ZFYVE16: variants seen among roughly 807,000 people sequenced by gnomAD.
The protein encoded by ZFYVE16 is zinc finger FYVE-type containing 16, also known as zinc finger FYVE domain-containing protein 16.
A neutral mutation model predicts 138.1 loss-of-function variants in ZFYVE16; 89 were observed. That is an observed-to-expected ratio of 0.64 (90% CI 0.54 to 0.77). The LOEUF is 0.77. Among genes scored for constraint, ZFYVE16 ranks in the 30% least tolerant of loss-of-function variants. ZFYVE16 has a pLI of 0.00. For missense variants in ZFYVE16, 1,793 were observed against 1,786.7 expected, an observed-to-expected ratio of 1.00 and a Z score of -0.06; for synonymous variants, 596 against 618.3, an observed-to-expected ratio of 0.96 and a Z score of 0.53.
In ZFYVE16 at chr5:80,438,961, A is replaced by C; in HGVS notation, c.2276A>C (p.Lys759Thr). Residue 759 changes from lysine to threonine, a missense_variant, in exon 4 of 19, where the codon AAA becomes ACA. Lys to Thr is a moderately conservative substitution (Grantham distance 78). This residue lies in a region of ZFYVE16 where 1,295 missense variants were observed against 1,204.3 expected (regional missense o/e 1.08). Transcript: ENST00000505560. ...CCAAACTGTATGAACTGCCAAGTCAAATTTACTTTTACCAAACGGCGACAC... is the reference window on the plus strand; with the variant it reads ...CCAAACTGTATGAACTGCCAAGTCACATTTACTTTTACCAAACGGCGACAC... ...EAPNCMNCQV[K>T]FTFTKRRHHC... The C allele has an allele frequency of 6.2e-7, 1 of 1,613,438 alleles. No individual in the cohort carries two copies. Among genetic ancestry groups the C allele is most frequent in the Non-Finnish European group, 8.5e-7 (1 of 1,179,612 alleles).
intron 7 of ZFYVE16, among the ~76,000 whole-genome samples, chr5:80,447,045 TGA>T (rs1358001199): frequency 6.6e-6 from 1 of 152,084 alleles, no homozygotes; most frequent in Non-Finnish European, 1.5e-5. Context: ...GCGGATCATC[TGA>T]GGTCAGGAGT....
intron 16 of ZFYVE16, 63 bp from the exon 17 acceptor site, chr5:80,473,691 A>G: frequency 8.3e-7 from 1 of 1,204,530 alleles, no homozygotes; most frequent in Middle Eastern, 2.4e-4. Context: ...GTTCAAATCT[A>G]ATAATTCATT....
intron 7 of ZFYVE16, among the ~76,000 whole-genome samples, chr5:80,446,460 T>G (rs749571087): frequency 6.6e-6 from 1 of 152,188 alleles, no homozygotes; most frequent in Non-Finnish European, 1.5e-5. Context: ...AATAATGGCA[T>G]TATTTTACAT....
rs139875465 is a variant in ZFYVE16 at position 80,436,949 on chromosome 5, T to G, written c.264T>G (p.Leu88=). The G allele has an allele frequency of 2.5e-6, 4 of 1,614,008 alleles. No homozygotes were observed. Among genetic ancestry groups the G allele is most frequent in the Non-Finnish European group, 8.5e-7 (1 of 1,180,022 alleles). Residue 88 remains leucine (L), a synonymous_variant, in exon 4 of 19, where the codon CTT becomes CTG. Transcript: ENST00000505560. The part of the protein sequence containing the change: ...SSLNEKTLKG[L]TSIQNEKNVT... ...TGAATGAAAAAACACTCAAGGGACT[T>G]ACTTCTATACAAAATGAAAAAAATG...
intron 11 of ZFYVE16, chr5:80,454,626 C>T (rs981541408): frequency 1.3e-5 from 2 of 152,236 alleles, no homozygotes; most frequent in Non-Finnish European, 1.5e-5. Context: ...CCTGCCTCAG[C>T]CTCCCAAGTA....
intron 1 of ZFYVE16, among the ~76,000 whole-genome samples, chr5:80,413,247 G>C (rs1352555854): frequency 1.3e-5 from 2 of 152,122 alleles, no homozygotes; most frequent in Non-Finnish European, 2.9e-5. Context: ...TGAGGCAGGA[G>C]GATCACCTGA....
chr5:80,432,106 A>T (rs1316724960), intron 2 of ZFYVE16, among the ~76,000 whole-genome samples: 1 of 152,176 alleles, frequency 6.6e-6, no homozygotes, highest in Middle Eastern at 3.2e-3. Flanking sequence ...TATGGAACCA[A>T]AAAAGGGCCC....
chr5:80,427,845 G>A (rs1435768122), intron 2 of ZFYVE16, among the ~76,000 whole-genome samples: 2 of 150,984 alleles, frequency 1.3e-5, no homozygotes, highest in African/African-American at 2.4e-5. Context: ...GGTGGCGCAC[G>A]CCTGTAGTCC....
In ZFYVE16 at chr5:80,439,994, C is replaced by T. The variant is rs746013674; in HGVS notation, c.2381C>T (p.Ala794Val). The T allele has an allele frequency of 1.6e-5, 26 of 1,611,164 alleles. No homozygotes were observed. The South Asian group carries it at 2.6e-4, about 16-fold the overall frequency. ...AAACTGCAATATCTAGAAAAGGAAG[C>T]AAGAGTATGTGTAGTCTGCTATGAA... is the stretch of plus-strand genomic sequence containing the variant. The part of the protein sequence containing the change: ...KCKLQYLEKE[A>V]RVCVVCYETI... The change falls in exon 5 of 19, where the codon GCA (alanine) becomes GTA (valine). Residue 794 changes from alanine (A) to valine (V), a missense_variant. Transcript: ENST00000505560.
Position 80,436,856 on chromosome 5 carries a change from A to C in ZFYVE16, c.171A>C (p.Pro57=), listed in dbSNP as rs761098685. 1.2e-6 allele frequency: 2 copies of C among 1,614,174 alleles called. No homozygotes were observed. Among genetic ancestry groups the C allele is most frequent in the Admixed American group, 3.3e-5 (2 of 60,022 alleles). ...CCTCACAGCGAACTTCATTGCTCCCAAAAGACCAAGAGTGCGTTAATAGTT... is the reference window on the plus strand; with the variant it reads ...CCTCACAGCGAACTTCATTGCTCCCCAAAGACCAAGAGTGCGTTAATAGTT... ...LASSQRTSLL[P]KDQECVNSCA... The change falls in exon 4 of 19, where the codon CCA becomes CCC. Residue 57 remains proline (P), a synonymous_variant. Transcript: ENST00000505560.
Position 80,437,889 on chromosome 5 carries a change from G to A in ZFYVE16, c.1204G>A (p.Glu402Lys). The A allele has an allele frequency of 1.2e-6, 2 of 1,613,984 alleles. No homozygotes were observed. The highest frequency in any genetic ancestry group is 1.7e-6 in the Non-Finnish European group (2 of 1,179,958). ...ACGGGGTGATTTTTTACCTCAGCAT[G>A]AACATAAAGATAATATACAAGATGC... ...KARGDFLPQH[E>K]HKDNIQDAVT... Residue 402 changes from glutamate to lysine, a missense_variant, in exon 4 of 19, where the codon GAA (glutamate) becomes AAA (lysine). Glu to Lys is a moderately conservative substitution (Grantham distance 56, BLOSUM62 1). Transcript: ENST00000505560.
intron 12 of ZFYVE16, chr5:80,456,009 C>G (rs1752492441): frequency 2.3e-6 from 1 of 435,708 alleles, no homozygotes; most frequent in South Asian, 2.8e-5. Context: ...CCTTTTGATT[C>G]ATTCTCCTGC....
chr5:80,443,047 A>G (rs1237846316), intron 5 of ZFYVE16, 76 bp from the exon 6 acceptor site: 4 of 1,334,556 alleles, frequency 3.0e-6, no homozygotes, highest in Non-Finnish European at 3.0e-6. Context: ...GAAAAATAGA[A>G]TATTTATTGT....
intron 14 of ZFYVE16, among the ~76,000 whole-genome samples, chr5:80,458,220 T>C (rs1752736252): frequency 6.6e-6 from 1 of 152,220 alleles, no homozygotes; most frequent in South Asian, 2.1e-4. Context: ...CACTAAAATT[T>C]AACAATTTTT....
At chr5:80,442,337 A>G (rs939643170) in intron 5 of ZFYVE16, among the ~76,000 whole-genome samples, 12 of 152,122 alleles carry the variant, frequency 7.9e-5, no homozygotes, top group Non-Finnish European at 1.6e-4. Flanking sequence ...AGCAATCCTG[A>G]GCTTAAACGA....
At chr5:80,453,788 A>G (rs948837194) in intron 11 of ZFYVE16, among the ~76,000 whole-genome samples, 1 of 152,220 alleles carries the variant, frequency 6.6e-6, no homozygotes, top group Non-Finnish European at 1.5e-5. Context: ...CCCAAGAATA[A>G]AGACTAAAAG....
intron 2 of ZFYVE16, among the ~76,000 whole-genome samples, chr5:80,431,201 C>A (rs1053335702): frequency 2.0e-5 from 3 of 152,136 alleles, no homozygotes; most frequent in African/African-American, 7.2e-5. Flanking sequence ...CAAATACTGG[C>A]AAACTGAATC....
At chr5:80,449,529 TC>T in intron 8 of ZFYVE16, 61 bp from the exon 9 acceptor site, 2 of 1,529,526 alleles carry the variant, frequency 1.3e-6, no homozygotes, top group African/African-American at 2.8e-5. Context: ...TTTGTTTTTT[TC>T]ATTTGTAAGC....
In ZFYVE16 at chr5:80,437,777, A is replaced by G; in HGVS notation, c.1092A>G (p.Leu364=). 1 of 1,614,124 alleles carries G rather than the reference A, an allele frequency of 6.2e-7. No individual in the cohort carries two copies. Among genetic ancestry groups the G allele is most frequent in the Non-Finnish European group, 8.5e-7 (1 of 1,179,984 alleles). The change falls in exon 4 of 19, where the codon TTA becomes TTG. Residue 364 remains leucine, a synonymous_variant. Coordinates refer to ENST00000505560, the MANE Select transcript of ZFYVE16 (RefSeq NM_001284236.3). ...NDVIQDSSSA[L]HVSSKDVPSS... ...TAATCCAAGATTCCTCTTCAGCTTT[A>G]CATGTTTCCAGTAAAGATGTGCCGT... is the stretch of plus-strand genomic sequence containing the variant.
Sources: allele counts gnomAD v4.1 joint callset (sites outside exome capture counted in the v4.1 genomes callset), GRCh38; gene constraint gnomAD v4.1.1; regional missense constraint gnomAD v4.1.1; transcripts MANE v1.5; gene names NCBI Gene and HGNC (gene_info 2026-07-23, HGNC 2026-07-21).